ICOS: variants seen among roughly 807,000 people sequenced by gnomAD.
ICOS encodes inducible T cell costimulator.
In ICOS, 15 loss-of-function variants were observed where a neutral mutation model predicts 24.6. The ratio of observed to expected loss-of-function variants is 0.61; its 90% CI spans 0.41 to 0.94. ICOS has a LOEUF of 0.94. Ranked by LOEUF, ICOS falls within the 40% of genes least tolerant of loss-of-function variation. The pLI, the probability that ICOS is intolerant of heterozygous loss-of-function variation, is 0.00. For synonymous variants in ICOS, 89 were observed against 77.5 expected (o/e 1.15, Z -0.78); for missense variants, 200 against 233.0 (o/e 0.86, Z 0.92).
At chr2:203,954,762 T>C (rs1340979778) in intron 1 of ICOS, among the ~76,000 whole-genome samples, 1 of 151,736 alleles carries the variant, frequency 6.6e-6, no homozygotes, top group Non-Finnish European at 1.5e-5. Context: ...GAGGACATAA[T>C]GTATGTGTGT....
intron 1 of ICOS, among the ~76,000 whole-genome samples, chr2:203,953,143 A>G (rs770140638): frequency 5.3e-5 from 8 of 152,186 alleles, no homozygotes; most frequent in Non-Finnish European, 1.0e-4. Flanking sequence ...CTGTGCTCCA[A>G]GAATGTAACT....
chr2:203,938,494 G>T (rs541590206), intron 1 of ICOS, among the ~76,000 whole-genome samples: 2 of 152,206 alleles, frequency 1.3e-5, no homozygotes, highest in Non-Finnish European at 2.9e-5. Flanking sequence ...TTGGTCCAAG[G>T]TGAGGCTGGA....
chr2:203,958,067 A>T (rs1690109508), intron 4 of ICOS, among the ~76,000 whole-genome samples, 184 bp downstream of exon 4: 1 of 152,230 alleles, frequency 6.6e-6, no homozygotes, highest in Non-Finnish European at 1.5e-5. Context: ...AGTATATTGA[A>T]AACAAACAAG....
At chr2:203,938,146 T>C (rs1277832989) in intron 1 of ICOS, among the ~76,000 whole-genome samples, 1 of 152,202 alleles carries the variant, frequency 6.6e-6, no homozygotes, top group East Asian at 1.9e-4. Context: ...CATTGATTAA[T>C]GATAATTACA....
In ICOS at chr2:203,955,755, C is replaced by A. The variant is rs748772595; in HGVS notation, c.178C>A (p.Gln60Lys). The change falls in exon 2 of 5, where the codon CAA (glutamine) becomes AAA (lysine). Residue 60 changes from glutamine to lysine, a missense_variant. Coordinates refer to ENST00000316386, the MANE Select transcript of ICOS (RefSeq NM_012092.4). ...QFKMQLLKGG[Q>K]ILCDLTKTKG... ...TAAAATGCAGTTGCTGAAAGGGGGG[C>A]AAATACTCTGCGATCTCACTAAGAC... The A allele has an allele frequency of 8.1e-6, 13 of 1,613,658 alleles. No individual in the cohort carries two copies. The highest frequency in any genetic ancestry group is 1.1e-5 in the Non-Finnish European group (13 of 1,179,710).
intron 1 of ICOS, among the ~76,000 whole-genome samples, chr2:203,950,454 C>G (rs1689949208): frequency 6.6e-6 from 1 of 152,210 alleles, no homozygotes; most frequent in Non-Finnish European, 1.5e-5. Flanking sequence ...CCAATCATCT[C>G]TTAAAGGCCC....
At chr2:203,958,409 G>T (rs183573219) in intron 4 of ICOS, among the ~76,000 whole-genome samples, 10 of 152,202 alleles carry the variant, frequency 6.6e-5, no homozygotes, top group Non-Finnish European at 1.2e-4. Context: ...CAAGTTTAGA[G>T]AACTTGGATG....
chr2:203,938,700 T>C (rs142716923), intron 1 of ICOS, among the ~76,000 whole-genome samples: 2 of 152,338 alleles, frequency 1.3e-5, no homozygotes, highest in Admixed American at 1.3e-4. Context: ...CGGTGTCAAT[T>C]CTGTGGAAGG....
At chr2:203,956,000 TAA>T in intron 2 of ICOS, 29 bp downstream of exon 2, 1 of 1,474,520 alleles carries the variant, frequency 6.8e-7, no homozygotes, top group Non-Finnish European at 9.5e-7. Flanking sequence ...CTTCCAAACT[TAA>T]GAGTATATAT....
intron 1 of ICOS, among the ~76,000 whole-genome samples, chr2:203,944,134 C>T (rs192993483): frequency 3.9e-5 from 6 of 152,168 alleles, no homozygotes; most frequent in East Asian, 1.9e-4. Context: ...GCTGGATTCA[C>T]GGCCTCCCCC....
At chr2:203,947,305 A>AATT (rs546361002) in intron 1 of ICOS, among the ~76,000 whole-genome samples, 3 of 151,866 alleles carry the variant, frequency 2.0e-5, no homozygotes, top group African/African-American at 7.3e-5. Flanking sequence ...ATATTATAAA[A>AATT]ATTATTATTA....
In ICOS at chr2:203,955,952, A is replaced by G. The variant is rs768500706; in HGVS notation, c.375A>G (p.Gly125=). Residue 125 remains glycine, a synonymous_variant, in exon 2 of 5, where the codon GGA becomes GGG. Coordinates refer to ENST00000316386, the MANE Select transcript of ICOS (RefSeq NM_012092.4). ...CTCCTTTTAAAGTAACTCTTACAGG[A>G]GGATATTTGCATATTTATGGTAAGA... is the stretch of plus-strand genomic sequence containing the variant. ...DPPPFKVTLT[G]GYLHIYESQL... 517 of 1,608,940 alleles carry G rather than the reference A, an allele frequency of 3.2e-4. 2 individuals carry two copies. Among genetic ancestry groups the G allele is most frequent in the Non-Finnish European group, 1.8e-4 (206 of 1,176,044 alleles).
intron 1 of ICOS, among the ~76,000 whole-genome samples, chr2:203,940,973 A>T (rs1177546526): frequency 6.6e-6 from 1 of 152,026 alleles, no homozygotes; most frequent in Non-Finnish European, 1.5e-5. Context: ...TTTCGTAGAG[A>T]CGGGGTTTCA....
chr2:203,942,622 A>C (rs1016198632), intron 1 of ICOS, among the ~76,000 whole-genome samples: 1 of 152,254 alleles, frequency 6.6e-6, no homozygotes, highest in African/African-American at 2.4e-5. Context: ...CAATGTGAAT[A>C]CTACTTTAAG....
intron 4 of ICOS, among the ~76,000 whole-genome samples, chr2:203,958,510 G>A (rs532143654): frequency 6.6e-6 from 1 of 152,294 alleles, no homozygotes; most frequent in African/African-American, 2.4e-5. Flanking sequence ...CACCCAGAAA[G>A]TTTGAAGCTT....
chr2:203,960,095 A>G lies in ICOS; in HGVS notation c.*496A>G, dbSNP rs1323615175. 2 of 240,984 alleles carry G rather than the reference A, an allele frequency of 8.3e-6. No homozygotes were observed. Among genetic ancestry groups the G allele is most frequent in the Non-Finnish European group, 1.6e-5 (2 of 121,874 alleles). The allele number at this position is 240,984 out of a possible 1,614,324, so 14.9% of individuals were successfully genotyped here. A position where few individuals can be genotyped will look rare whatever the true frequency, so the allele number is the denominator to read the frequency against. ...GATGCTTCAAAGCTGGAGCTATTTT[A>G]TTTCTGAGATGTTGATGTGAACTGT... On this transcript the variant is annotated 3_prime_UTR_variant, in exon 5 of 5. Coordinates refer to ENST00000316386, the MANE Select transcript of ICOS (RefSeq NM_012092.4).
intron 1 of ICOS, among the ~76,000 whole-genome samples, chr2:203,949,318 C>T (rs1689928438): frequency 6.6e-6 from 1 of 152,168 alleles, no homozygotes; most frequent in Non-Finnish European, 1.5e-5. Context: ...CTGTGGTTGC[C>T]TGCTTCTATT....
chr2:203,951,044 A>T lies in ICOS; in HGVS notation c.59-4592A>T, dbSNP rs1163353542. Among the ~76,000 whole-genome samples the T allele has an allele frequency of 2.0e-5, 3 of 151,858 alleles. No individual in the cohort carries two copies. In the East Asian group the frequency reaches 5.8e-4, roughly 29 times the overall value. On this transcript the variant is annotated intron_variant, in intron 1 of 4. Transcript: ENST00000316386. ...CACTGCACTCTAGCCTGCTGGTGAC[A>T]GAACAAGACTCCATCTCAAAAAAAA...
chr2:203,951,699 A>G (rs1208250980), intron 1 of ICOS, among the ~76,000 whole-genome samples: 1 of 152,202 alleles, frequency 6.6e-6, no homozygotes, highest in African/African-American at 2.4e-5. Flanking sequence ...CTTTGGCTCC[A>G]AGATCATTGT....
Sources: allele counts gnomAD v4.1 joint callset (sites outside exome capture counted in the v4.1 genomes callset), GRCh38; gene constraint gnomAD v4.1.1; transcripts MANE v1.5; gene names NCBI Gene and HGNC (gene_info 2026-07-23, HGNC 2026-07-21).